The following SV2C variants were observed in gnomAD, a reference collection of about 807,000 sequenced individuals.
The protein encoded by SV2C is synaptic vesicle glycoprotein 2C, also known as solute carrier family 22 member B3.
A neutral mutation model predicts 79.7 loss-of-function variants in SV2C; 49 were observed. The observed-to-expected ratio is 0.61, with a 90% CI of 0.49 to 0.78. The LOEUF is 0.78. SV2C is among the 30% of genes least tolerant of loss of function. SV2C has a pLI of 0.00. For missense variants in SV2C, 833 were observed against 912.9 expected (o/e 0.91, Z 1.13); for synonymous variants, 334 against 333.2 (o/e 1.00, Z -0.03).
chr5:76,279,914 C>T (rs954279740), intron 4 of SV2C, among the ~76,000 whole-genome samples: 1 of 152,018 alleles, frequency 6.6e-6, no homozygotes, highest in Non-Finnish European at 1.5e-5. Flanking sequence ...TGAGCTCCAC[C>T]GCCCATGTGA....
the SV2C span, among the ~76,000 whole-genome samples, chr5:75,895,586 T>C: frequency 2.0e-5 from 3 of 152,218 alleles, no homozygotes; most frequent in South Asian, 2.1e-4. Flanking sequence ...GATAACCTAG[T>C]AGACTTTGTA....
the SV2C span, among the ~76,000 whole-genome samples, chr5:76,024,883 T>C: frequency 6.6e-6 from 1 of 152,168 alleles, no homozygotes; most frequent in African/African-American, 2.4e-5. Flanking sequence ...GCCCACATAG[T>C]TCAAACCTGT....
chr5:76,173,860 A>T, intron 2 of SV2C: 2 of 1,598,214 alleles, frequency 1.3e-6, no homozygotes, highest in Non-Finnish European at 1.7e-6. Context: ...TCATTGGAAC[A>T]TCATCAGTGT....
chr5:75,950,771 G>A, the SV2C span, among the ~76,000 whole-genome samples: 4 of 144,632 alleles, frequency 2.8e-5, no homozygotes, highest in Admixed American at 2.7e-4. Flanking sequence ...GAGTTTCCTA[G>A]TGGCTTGAGA....
At position 76,095,469 on chromosome 5, in the gene SV2C, G is replaced by T. The variant is rs181436196; in HGVS notation, c.-102+11957G>T. On this transcript the variant is annotated intron_variant, in intron 1 of 12. Transcript: ENST00000502798. ...TCTGGATTGTCAAACTTATTGCATA[G>T]TTATTTATCATCATTAGTTTGTTTT... is the stretch of plus-strand genomic sequence containing the variant. Among the ~76,000 whole-genome samples, 767 of 152,140 alleles carry T rather than the reference G, an allele frequency of 5.0e-3. 2 individuals are homozygous for T. The highest frequency in any genetic ancestry group is 0.01 in the Middle Eastern group (3 of 294).
the SV2C span, among the ~76,000 whole-genome samples, chr5:76,062,642 G>GA: frequency 3.5e-3 from 526 of 151,618 alleles, 8 homozygotes; most frequent in African/African-American, 0.012. Flanking sequence ...AAAAAACTGT[G>GA]TAATTTTCCT....
chr5:76,028,771 T>A, the SV2C span, among the ~76,000 whole-genome samples: 1 of 152,204 alleles, frequency 6.6e-6, no homozygotes, highest in Non-Finnish European at 1.5e-5. Flanking sequence ...AATTGTCCTG[T>A]ACACTGGGGA....
intron 4 of SV2C, among the ~76,000 whole-genome samples, chr5:76,224,092 T>A (rs1279127765): frequency 1.3e-5 from 2 of 152,142 alleles, no homozygotes; most frequent in Non-Finnish European, 2.9e-5. Context: ...AGAGACATAA[T>A]TCAGTCCATA....
chr5:75,986,617 A>G, the SV2C span, among the ~76,000 whole-genome samples: 259 of 152,128 alleles, frequency 1.7e-3, 2 homozygotes, highest in African/African-American at 5.8e-3. Flanking sequence ...AACATATTCA[A>G]TAGAGAAAGT....
At chr5:76,097,988 C>T (rs1409995745) in intron 1 of SV2C, among the ~76,000 whole-genome samples, 5 of 152,050 alleles carry the variant, frequency 3.3e-5, no homozygotes, top group East Asian at 1.9e-4. Context: ...CCAGGCAGTC[C>T]GAAGGCTTGT....
At chr5:75,944,265 T>C in the SV2C span, among the ~76,000 whole-genome samples, 3 of 152,326 alleles carry the variant, frequency 2.0e-5, no homozygotes, top group South Asian at 6.2e-4. Context: ...CACCCACTTT[T>C]GTGGCTTTAT....
chr5:75,977,142 G>T, the SV2C span, among the ~76,000 whole-genome samples: 1 of 152,016 alleles, frequency 6.6e-6, no homozygotes, highest in Non-Finnish European at 1.5e-5. Flanking sequence ...AATTATGAGG[G>T]GCCATTTTGT....
At chr5:76,075,336 T>G in the SV2C span, among the ~76,000 whole-genome samples, 1 of 152,182 alleles carries the variant, frequency 6.6e-6, no homozygotes, top group East Asian at 1.9e-4. Flanking sequence ...TGAGCAGAAT[T>G]GTGTTACAAA....
the SV2C span, among the ~76,000 whole-genome samples, chr5:75,983,979 T>C: frequency 6.6e-6 from 1 of 152,216 alleles, no homozygotes; most frequent in Middle Eastern, 3.4e-3. Flanking sequence ...ACAGCTAAAA[T>C]GCCGAGTTGT....
intron 8 of SV2C, among the ~76,000 whole-genome samples, chr5:76,294,699 G>A (rs1466121293): frequency 6.6e-6 from 1 of 152,128 alleles, no homozygotes; most frequent in South Asian, 2.1e-4. Context: ...GTATATCTCA[G>A]TTTGAACCAG....
chr5:76,003,608 A>C, the SV2C span, among the ~76,000 whole-genome samples: 2 of 152,048 alleles, frequency 1.3e-5, no homozygotes, highest in Admixed American at 1.3e-4. Context: ...AAGCAGCATC[A>C]CCCAAAACAC....
chr5:76,129,808 CA>C (rs1748821209), intron 1 of SV2C, among the ~76,000 whole-genome samples: 1 of 152,118 alleles, frequency 6.6e-6, no homozygotes. Flanking sequence ...ACTCTGCTTT[CA>C]ACTAACCAGA....
At chr5:76,008,717 A>G in the SV2C span, among the ~76,000 whole-genome samples, 2 of 152,124 alleles carry the variant, frequency 1.3e-5, no homozygotes, top group Non-Finnish European at 2.9e-5. Context: ...GAGGCAAGAC[A>G]TTCCCAATCC....
intron 1 of SV2C, among the ~76,000 whole-genome samples, chr5:76,085,240 C>G (rs1179069079): frequency 1.3e-5 from 2 of 152,140 alleles, no homozygotes; most frequent in African/African-American, 4.8e-5. Context: ...AGTGCCAACC[C>G]GTTGCGCCAC....
Sources: allele counts gnomAD v4.1 joint callset (sites outside exome capture counted in the v4.1 genomes callset), GRCh38; gene constraint gnomAD v4.1.1; transcripts MANE v1.5; gene names NCBI Gene and HGNC (gene_info 2026-07-23, HGNC 2026-07-21).